Variants in ITGA6 observed in about 807,000 individuals in gnomAD.
ITGA6 encodes the protein integrin alpha-6.
ITGA6 carries 63 observed loss-of-function variants against 133.6 expected under a neutral mutation model. That is an observed-to-expected ratio of 0.47 (90% confidence interval 0.38 to 0.58). The LOEUF is 0.58. Among genes scored for constraint, ITGA6 ranks in the 20% least tolerant of loss-of-function variants. The pLI is 0.00. For missense variants in ITGA6, 1,068 were observed against 1,309.4 expected, an observed-to-expected ratio of 0.82 and a Z score of 2.85; for synonymous variants, 434 against 482.0, an observed-to-expected ratio of 0.90 and a Z score of 1.30.
In ITGA6 at chr2:172,504,280, A is replaced by G. The variant is rs748580366; in HGVS notation, c.*212A>G. 41 of 1,509,704 alleles carry G rather than the reference A, an allele frequency of 2.7e-5. 1 individual carries two copies. The Middle Eastern group carries it at 8.7e-4, about 32-fold the overall frequency. The allele number at this position is 1,509,704 out of a possible 1,614,324, so 93.5% of individuals were successfully genotyped here. On this transcript the variant is annotated 3_prime_UTR_variant, in exon 26 of 26. Transcript: ENST00000684293. ...GGGGCCTAAAAAAAAAAAGCTTCAC[A>G]GTACCCAAACTGCTTTTTCCAACTC... is the stretch of plus-strand genomic sequence containing the variant.
chr2:172,487,194 T>C lies in ITGA6; in HGVS notation c.1970+56T>C, dbSNP rs1686720738. 3.9e-6 allele frequency: 6 copies of C among 1,528,036 alleles called. No homozygotes were observed. In the East Asian group the frequency reaches 1.4e-4, roughly 34 times the overall value. 94.7% of individuals were successfully genotyped at this position (1,528,036 alleles called of 1,614,324 possible). A position where few individuals can be genotyped will look rare whatever the true frequency, so the allele number is the denominator to read the frequency against. ...TGATTCTGGCTTCATGGTGGCTTTG[T>C]GTTAAGAAAGTTTACTGGAAACGTA... is the stretch of plus-strand genomic sequence containing the variant. On this transcript the variant is annotated intron_variant, in intron 14 of 25. Transcript: ENST00000684293.
At chr2:172,501,045 AAAAGT>A (rs1687328377) in intron 24 of ITGA6, among the ~76,000 whole-genome samples, 2 of 152,220 alleles carry the variant, frequency 1.3e-5, no homozygotes, top group Admixed American at 1.3e-4. Context: ...TGAACTAGAT[AAAAGT>A]AAATAGGAAA....
At chr2:172,456,450 A>C (rs1685212042) in intron 1 of ITGA6, among the ~76,000 whole-genome samples, 1 of 152,220 alleles carries the variant, frequency 6.6e-6, no homozygotes, top group South Asian at 2.1e-4. Context: ...GCCTGGGGTG[A>C]CCATATCATT....
At chr2:172,478,143 C>T (rs1268750668) in intron 9 of ITGA6, among the ~76,000 whole-genome samples, 1 of 152,042 alleles carries the variant, frequency 6.6e-6, no homozygotes, top group East Asian at 1.9e-4. Context: ...AAGAATGTAT[C>T]TAGTTAGTAT....
intron 1 of ITGA6, among the ~76,000 whole-genome samples, chr2:172,442,661 C>T (rs748857800): frequency 4.6e-5 from 7 of 152,202 alleles, no homozygotes; most frequent in Non-Finnish European, 8.8e-5. Context: ...GCCTTACATT[C>T]ACTCTTCATT....
At position 172,491,158 on chromosome 2, in the gene ITGA6, G is replaced by A; in HGVS notation, c.2778+36G>A. The A allele has an allele frequency of 7.1e-7, 1 of 1,407,920 alleles. No individual in the cohort carries two copies. The highest frequency in any genetic ancestry group is 1.0e-6 in the Non-Finnish European group (1 of 992,062). 87.2% of individuals were successfully genotyped at this position (1,407,920 alleles called of 1,614,324 possible). ...TTCAAGAGCTGTGAATATTTGAGAGGATGAGGGGAAGGATTTCTTCAGAAC... is the reference window on the plus strand; with the variant it reads ...TTCAAGAGCTGTGAATATTTGAGAGAATGAGGGGAAGGATTTCTTCAGAAC... On this transcript the variant is annotated intron_variant, in intron 21 of 25. Transcript: ENST00000684293. This position sits in a 1 kb window ranked among gnomAD's most constrained non-coding sequence, Gnocchi z 4.4.
intron 1 of ITGA6, among the ~76,000 whole-genome samples, chr2:172,458,241 G>A (rs1443502712): frequency 1.4e-5 from 2 of 144,144 alleles, no homozygotes; most frequent in Non-Finnish European, 3.0e-5. Context: ...CAAAAATAAT[G>A]AATTCTTTTT....
chr2:172,437,222 T>C (rs1684357038), intron 1 of ITGA6, among the ~76,000 whole-genome samples: 1 of 152,204 alleles, frequency 6.6e-6, no homozygotes, highest in Non-Finnish European at 1.5e-5. Context: ...CTCACTTGGA[T>C]TTTAAATGGA....
intron 1 of ITGA6, among the ~76,000 whole-genome samples, chr2:172,429,695 T>C (rs1006094496): frequency 6.6e-6 from 1 of 152,186 alleles, no homozygotes; most frequent in Admixed American, 6.5e-5. Context: ...GAGGTAAGGA[T>C]AAGCCTGCAA....
chr2:172,474,575 T>C (rs1165694795), intron 6 of ITGA6, among the ~76,000 whole-genome samples: 4 of 152,222 alleles, frequency 2.6e-5, no homozygotes, highest in Non-Finnish European at 4.4e-5. Flanking sequence ...TGTGGTTTCA[T>C]ATGGGGCTGA....
chr2:172,427,716 G>C lies in ITGA6; in HGVS notation c.-73G>C. On this transcript the variant is annotated 5_prime_UTR_variant, in exon 1 of 26. Transcript: ENST00000684293. ...AAGGTGGCTGCGGTAGCAGCAGCGCGGCAGCCTCGGACCCAGCCCGGAGCG... is the reference window on the plus strand; with the variant it reads ...AAGGTGGCTGCGGTAGCAGCAGCGCCGCAGCCTCGGACCCAGCCCGGAGCG... 7 of 1,412,870 alleles carry C rather than the reference G, an allele frequency of 5.0e-6. No homozygotes were observed. The highest frequency in any genetic ancestry group is 6.5e-6 in the Non-Finnish European group (7 of 1,084,524). The allele number at this position is 1,412,870 out of a possible 1,614,324, so 87.5% of individuals were successfully genotyped here.
chr2:172,476,996 A>G (rs1274271213), intron 9 of ITGA6, among the ~76,000 whole-genome samples: 1 of 152,174 alleles, frequency 6.6e-6, no homozygotes, highest in Non-Finnish European at 1.5e-5. Context: ...GTCACTGAGT[A>G]CTTTTCCAAA....
At chr2:172,449,513 AG>A (rs1684897143) in intron 1 of ITGA6, among the ~76,000 whole-genome samples, 1 of 152,194 alleles carries the variant, frequency 6.6e-6, no homozygotes, top group Non-Finnish European at 1.5e-5. Flanking sequence ...ACAGCATTCT[AG>A]GGGAGGAAAG....
intron 1 of ITGA6, among the ~76,000 whole-genome samples, chr2:172,428,784 G>T (rs1683988022): frequency 6.6e-6 from 1 of 152,186 alleles, no homozygotes; most frequent in Admixed American, 6.5e-5. Context: ...CCCCACCGTA[G>T]CGGTAAACCT....
chr2:172,427,362 CCA>C, upstream of ITGA6: 5 of 1,005,758 alleles, frequency 5.0e-6, no homozygotes, highest in Non-Finnish European at 5.9e-6. Context: ...ACAATTCTGT[CCA>C]CAGAGGGCGG....
At position 172,465,652 on chromosome 2, in the gene ITGA6, T is replaced by A. The variant is rs774820057; in HGVS notation, c.296T>A (p.Phe99Tyr). The change falls in exon 2 of 26, where the codon TTT becomes TAT. Residue 99 changes from phenylalanine (F) to tyrosine (Y), a missense_variant. Physicochemically the swap from Phe to Tyr is conservative, Grantham distance 22. Around this residue, in one of 3 missense-constraint regions of ITGA6, gnomAD observed 142 missense variants for 145.3 expected, o/e 0.98. Transcript: ENST00000684293. ...CGGGGGCCATGCACGCGGATCGAGT[T>A]TGATAACGATGGTGCGTTCCTTTCC... ...TARGPCTRIE[F>Y]DNDADPTSES... 6.2e-7 allele frequency: 1 copy of A among 1,614,182 alleles called. No individual in the cohort carries two copies. Among genetic ancestry groups the A allele is most frequent in the South Asian group, 1.1e-5 (1 of 91,082 alleles).
intron 18 of ITGA6, 37 bp from the exon 19 acceptor site, chr2:172,488,089 C>T (rs373885785): frequency 1.9e-6 from 3 of 1,608,438 alleles, no homozygotes; most frequent in Admixed American, 3.3e-5. Context: ...GAACCATTTA[C>T]AATCCTCATT....
chr2:172,454,394 G>T (rs1298939024), intron 1 of ITGA6, among the ~76,000 whole-genome samples: 1 of 152,136 alleles, frequency 6.6e-6, no homozygotes, highest in Admixed American at 6.5e-5. Context: ...AAGGAGAGAA[G>T]AAGAAACTGT....
chr2:172,493,159 C>T lies in ITGA6; in HGVS notation c.2988+1636C>T, dbSNP rs547108166. On this transcript the variant is annotated intron_variant, in intron 23 of 25. Transcript: ENST00000684293. ...CTGGACTCAAGCAATCCGCCTGCCT[C>T]AGCCTCCCAAAATGCTGGGATTATA... 7.9e-5 allele frequency among the ~76,000 whole-genome samples: 12 copies of T among 152,228 alleles called. No individual in the cohort carries two copies. In the East Asian group the frequency reaches 2.3e-3, roughly 29 times the overall value.
Sources: allele counts gnomAD v4.1 joint callset (sites outside exome capture counted in the v4.1 genomes callset), GRCh38; gene constraint gnomAD v4.1.1; regional missense constraint gnomAD v4.1.1; non-coding constraint Gnocchi (gnomAD v3.1); transcripts MANE v1.5; gene names NCBI Gene and HGNC (gene_info 2026-07-23, HGNC 2026-07-21).